The following IMMP2L variants were observed in gnomAD, a reference collection of about 807,000 sequenced individuals.
The protein encoded by IMMP2L is inner mitochondrial membrane peptidase subunit 2, also known as mitochondrial inner membrane protease subunit 2.
In IMMP2L, 18 loss-of-function variants were observed where a neutral mutation model predicts 19.3. The ratio of observed to expected loss-of-function variants is 0.93; its 90% CI spans 0.64 to 1.38. The LOEUF (loss-of-function observed/expected upper bound fraction) is 1.38, where lower values mean the gene tolerates loss of function less well. IMMP2L is among the 40% of genes most tolerant of loss of function. The probability of loss-of-function intolerance (pLI) is 0.00; values close to 1 mark genes in which losing one functional copy is unlikely to be tolerated. For missense variants in IMMP2L, 233 were observed against 218.2 expected (o/e 1.07, Z -0.43); for synonymous variants, 76 against 73.0 (o/e 1.04, Z -0.21).
chr7:111,102,536 A>T (rs1204576182), intron 3 of IMMP2L, among the ~76,000 whole-genome samples: 1 of 151,500 alleles, frequency 6.6e-6, no homozygotes, highest in African/African-American at 2.4e-5. Context: ...GGAGTTTTGA[A>T]TTTTTGCCCT....
chr7:110,753,645 A>C (rs1407381539), intron 5 of IMMP2L, among the ~76,000 whole-genome samples: 1 of 152,050 alleles, frequency 6.6e-6, no homozygotes, highest in Admixed American at 6.6e-5. Context: ...GTAGATACCA[A>C]GAACACAAGA....
chr7:111,022,444 T>C (rs180846560), intron 3 of IMMP2L, among the ~76,000 whole-genome samples: 122 of 152,282 alleles, frequency 8.0e-4, no homozygotes, highest in African/African-American at 2.8e-3. Flanking sequence ...TCTTTACAAG[T>C]GTTTTTTCAG....
At chr7:111,476,678 G>A (rs1841753362) in intron 3 of IMMP2L, among the ~76,000 whole-genome samples, 1 of 152,098 alleles carries the variant, frequency 6.6e-6, no homozygotes, top group Non-Finnish European at 1.5e-5. Context: ...GTAAGACCGA[G>A]GTACTTGTTT....
At chr7:110,784,594 C>A (rs1463687670) in intron 5 of IMMP2L, among the ~76,000 whole-genome samples, 1 of 151,930 alleles carries the variant, frequency 6.6e-6, no homozygotes, top group Admixed American at 6.6e-5. Flanking sequence ...TGTGATCACC[C>A]CTCATCCATG....
intron 5 of IMMP2L, among the ~76,000 whole-genome samples, chr7:110,822,662 C>G (rs79022212): frequency 1.3e-5 from 2 of 152,122 alleles, no homozygotes; most frequent in South Asian, 2.1e-4. Context: ...AGGCTCTGTA[C>G]TTTTAATGTT....
intron 4 of IMMP2L, among the ~76,000 whole-genome samples, chr7:110,888,963 C>T (rs1218064984): frequency 6.6e-6 from 1 of 152,188 alleles, no homozygotes; most frequent in Non-Finnish European, 1.5e-5. Context: ...ATAAAAAATA[C>T]TGCCATAAAG....
At chr7:111,081,258 T>A (rs563690921) in intron 3 of IMMP2L, among the ~76,000 whole-genome samples, 9 of 152,292 alleles carry the variant, frequency 5.9e-5, no homozygotes, top group African/African-American at 2.2e-4. Flanking sequence ...TATATGTTTA[T>A]TAAAAATGCG....
chr7:111,208,331 CAAG>C (rs1401723507), intron 3 of IMMP2L, among the ~76,000 whole-genome samples: 2 of 152,134 alleles, frequency 1.3e-5, no homozygotes, highest in Non-Finnish European at 2.9e-5. Context: ...ACGGTGAAAG[CAAG>C]AAGATTTTTA....
intron 4 of IMMP2L, among the ~76,000 whole-genome samples, chr7:110,950,776 G>A (rs1817710724): frequency 6.8e-6 from 1 of 147,434 alleles, no homozygotes; most frequent in Non-Finnish European, 1.5e-5. Context: ...AAGCTGTTGA[G>A]TTCTATGAGT....
chr7:111,109,588 G>A lies in IMMP2L; in HGVS notation c.240-146023C>T, dbSNP rs375500468. 4.6e-5 allele frequency among the ~76,000 whole-genome samples: 7 copies of A among 152,226 alleles called. No individual in the cohort carries two copies. In the East Asian group the frequency reaches 1.2e-3, roughly 25 times the overall value. The stretch of plus-strand genomic sequence containing the variant: ...AATGGAGTCAAGGACCTGGAATAGA[G>A]TTCAGGAGCCATCACTGATAATGCC... On this transcript the variant is annotated intron_variant, in intron 3 of 5. Transcript: ENST00000405709.
rs553781262 is a variant in IMMP2L, at chr7:111,148,199, A to G, written c.240-184634T>C. ...ATAAAAATAAATGAAGTTCTGATAC[A>G]TGCTAAAATATTGTGGAATCTTGAA... On this transcript the variant is annotated intron_variant, in intron 3 of 5. Coordinates refer to ENST00000405709, the MANE Select transcript of IMMP2L (RefSeq NM_032549.4). Among the ~76,000 whole-genome samples, 4 of 152,248 alleles carry G rather than the reference A, an allele frequency of 2.6e-5. No homozygotes were observed. The South Asian group carries it at 6.2e-4, about 24-fold the overall frequency.
chr7:111,202,484 C>T (rs941879303), intron 3 of IMMP2L, among the ~76,000 whole-genome samples: 3 of 152,146 alleles, frequency 2.0e-5, no homozygotes, highest in Admixed American at 6.5e-5. Flanking sequence ...ATAAACCCAA[C>T]GGGGCAAAGA....
chr7:110,989,596 T>G (rs187309530), intron 3 of IMMP2L, among the ~76,000 whole-genome samples: 12 of 151,240 alleles, frequency 7.9e-5, no homozygotes, highest in Non-Finnish European at 1.2e-4. Flanking sequence ...ATAGGTTAAT[T>G]TTCTATTTTT....
At chr7:111,325,573 G>A (rs1224038554) in intron 3 of IMMP2L, among the ~76,000 whole-genome samples, 1 of 151,304 alleles carries the variant, frequency 6.6e-6, no homozygotes, top group East Asian at 1.9e-4. Flanking sequence ...TTGGAGTTTA[G>A]GTTTTTTTAG....
At chr7:111,089,360 CCAAT>C (rs1336802267) in intron 3 of IMMP2L, among the ~76,000 whole-genome samples, 1 of 151,862 alleles carries the variant, frequency 6.6e-6, no homozygotes, top group Non-Finnish European at 1.5e-5. Flanking sequence ...ACAGTCAATA[CCAAT>C]CAATGAAAAT....
At chr7:111,178,707 G>A (rs796844847) in intron 3 of IMMP2L, among the ~76,000 whole-genome samples, 2 of 152,086 alleles carry the variant, frequency 1.3e-5, no homozygotes, top group African/African-American at 4.8e-5. Context: ...TCCATAAAAA[G>A]CAACTCCTCG....
chr7:110,753,793 C>T (rs10267698), intron 5 of IMMP2L, among the ~76,000 whole-genome samples: 12,238 of 149,968 alleles, frequency 0.082, 1,641 homozygotes, highest in African/African-American at 0.28. Flanking sequence ...TAGTAGAAGA[C>T]GAAAAAAGAC....
intron 4 of IMMP2L, among the ~76,000 whole-genome samples, chr7:110,930,281 C>T (rs902957835): frequency 1.2e-4 from 19 of 152,004 alleles, no homozygotes; most frequent in African/African-American, 4.3e-4. Flanking sequence ...TTAGTTTTGT[C>T]CTGTGGTTTT....
chr7:111,052,587 C>T (rs1267730127), intron 3 of IMMP2L, among the ~76,000 whole-genome samples: 1 of 152,124 alleles, frequency 6.6e-6, no homozygotes, highest in Non-Finnish European at 1.5e-5. Flanking sequence ...TATGTCTTTG[C>T]CTGTAACTTC....
Sources: gnomAD v4.1 joint callset for allele counts (sites outside exome capture counted in the v4.1 genomes callset) on GRCh38, gnomAD v4.1.1 for gene constraint, MANE v1.5 for transcripts, NCBI Gene and HGNC (gene_info 2026-07-23, HGNC 2026-07-21) for gene names.